UBXN2A: variants seen among roughly 807,000 people sequenced by gnomAD.
UBXN2A encodes UBX domain-containing protein 2A.
UBXN2A carries 28 observed loss-of-function variants against 28.4 expected under a neutral mutation model. That is an observed-to-expected ratio of 0.99 (90% CI 0.73 to 1.35). The LOEUF is 1.35. Among genes scored for constraint, UBXN2A ranks in the 40% most tolerant of loss-of-function variants. The probability of loss-of-function intolerance (pLI) is 0.00; values close to 1 mark genes in which losing one functional copy is unlikely to be tolerated. For synonymous variants in UBXN2A, 97 were observed against 103.6 expected (o/e 0.94, Z 0.39); for missense variants, 253 against 297.9 (o/e 0.85, Z 1.11).
chr2:23,935,046 G>T (rs1434824630), intron 1 of UBXN2A, among the ~76,000 whole-genome samples: 1 of 152,124 alleles, frequency 6.6e-6, no homozygotes, highest in Non-Finnish European at 1.5e-5. Flanking sequence ...CTGCACTCCA[G>T]CCCAAGCAAC....
chr2:23,971,438 C>CTTT, intron 3 of UBXN2A, 24 bp downstream of exon 3: 2 of 1,472,810 alleles, frequency 1.4e-6, no homozygotes, highest in Non-Finnish European at 1.8e-6. Flanking sequence ...TATTACTTTT[C>CTTT]TTTTTCTTTC....
intron 2 of UBXN2A, among the ~76,000 whole-genome samples, chr2:23,967,085 G>A (rs575526860): frequency 1.3e-5 from 2 of 151,804 alleles, no homozygotes; most frequent in African/African-American, 2.4e-5. Context: ...TATTTCCTAC[G>A]ATACATCTCT....
intron 6 of UBXN2A, among the ~76,000 whole-genome samples, chr2:23,997,667 C>T (rs1708591001): frequency 6.6e-6 from 1 of 151,636 alleles, no homozygotes; most frequent in South Asian, 2.1e-4. Flanking sequence ...AGGATGGTCT[C>T]AGTCTCTTGA....
rs191831818 is a variant in UBXN2A at position 23,961,883 on chromosome 2, C to T, written c.41+3528C>T. Among the ~76,000 whole-genome samples the T allele has an allele frequency of 2.0e-5, 3 of 147,852 alleles. No homozygotes were observed. In the Admixed American group the frequency reaches 2.0e-4, roughly 10 times the overall value. On this transcript the variant is annotated intron_variant, in intron 2 of 6. Transcript: ENST00000309033. Reference sequence around the variant, plus strand: ...TTTTTGAGACAGAGTCTTGCTCTGTCACCCAGGCTGGAGTGCAGTGGCGTG... The same window carrying T: ...TTTTTGAGACAGAGTCTTGCTCTGTTACCCAGGCTGGAGTGCAGTGGCGTG...
intron 2 of UBXN2A, among the ~76,000 whole-genome samples, chr2:23,962,605 C>CTTTTT (rs1160440950): frequency 5.4e-5 from 7 of 130,674 alleles, no homozygotes; most frequent in South Asian, 2.5e-4. Context: ...TTTTTTTATT[C>CTTTTT]TTTTTTTTTT....
chr2:23,927,965 C>G (rs1705152971), intron 1 of UBXN2A, among the ~76,000 whole-genome samples: 1 of 151,990 alleles, frequency 6.6e-6, no homozygotes, highest in Non-Finnish European at 1.5e-5. Context: ...CACCTGAGGT[C>G]AAGAGTTCTA....
At chr2:23,960,019 G>A (rs1394459695) in intron 2 of UBXN2A, among the ~76,000 whole-genome samples, 8 of 152,220 alleles carry the variant, frequency 5.3e-5, no homozygotes, top group East Asian at 1.9e-4. Flanking sequence ...TTGGAAGGCC[G>A]AGGCGGGTGG....
At position 24,002,096 on chromosome 2, in the gene UBXN2A, G is replaced by C. The variant is rs1228847145; in HGVS notation, c.*2229G>C. ...GTTTGAGACCAGCCTGGGCAACAAG[G>C]CAAAACTCTATCTATAAAAATTACA... On this transcript the variant is annotated 3_prime_UTR_variant, in exon 7 of 7. Transcript: ENST00000309033. 1 of 152,052 alleles carries C rather than the reference G, an allele frequency of 6.6e-6. No homozygotes were observed. The highest frequency in any genetic ancestry group is 2.4e-5 in the African/African-American group (1 of 41,372). The allele number at this position is 152,052 out of a possible 1,614,324, so 9.4% of individuals were successfully genotyped here. A position where few individuals can be genotyped will look rare whatever the true frequency, so the allele number is the denominator to read the frequency against.
At chr2:23,971,234 A>G in intron 2 of UBXN2A, 42 bp from the exon 3 acceptor site, 1 of 1,476,436 alleles carries the variant, frequency 6.8e-7, no homozygotes. Flanking sequence ...ATTTTTAGAG[A>G]CCTAATAGTT....
At chr2:23,942,720 A>ATGCAGGT (rs1573531184) in intron 1 of UBXN2A, among the ~76,000 whole-genome samples, 1 of 151,756 alleles carries the variant, frequency 6.6e-6, no homozygotes, top group East Asian at 1.9e-4. Flanking sequence ...TGCCCGGCTG[A>ATGCAGGT]TGCAGGGCCT....
At chr2:23,951,437 T>TATATATAC in intron 1 of UBXN2A, among the ~76,000 whole-genome samples, 1 of 44,884 alleles carries the variant, frequency 2.2e-5, no homozygotes, top group South Asian at 8.0e-4. Context: ...TATATATATA[T>TATATATAC]ATATATATAT....
chr2:23,984,737 G>T lies in UBXN2A; in HGVS notation c.490G>T (p.Ala164Ser), dbSNP rs1319014383. The change falls in exon 6 of 7, where the codon GCT becomes TCT. Residue 164 changes from alanine to serine, a missense_variant. By Grantham distance (99) the Ala-to-Ser change is moderately conservative. Coordinates refer to ENST00000309033, the MANE Select transcript of UBXN2A (RefSeq NM_181713.4). ...IEVENKNNLS[A>S]VPLNNLEPIT... ...AGTTGAAAATAAAAATAATTTGTCT[G>T]CTGTTCCACTGAACAACTTGGAACC... 6.4e-7 allele frequency: 1 copy of T among 1,565,322 alleles called. No individual in the cohort carries two copies. Among genetic ancestry groups the T allele is most frequent in the Non-Finnish European group, 8.6e-7 (1 of 1,164,416 alleles).
chr2:23,988,743 C>G (rs1452802871), intron 6 of UBXN2A, among the ~76,000 whole-genome samples: 4 of 151,742 alleles, frequency 2.6e-5, no homozygotes, highest in African/African-American at 9.7e-5. Context: ...CACAAGACCT[C>G]AGATTGATTG....
chr2:23,969,802 A>T (rs912192842), intron 2 of UBXN2A, among the ~76,000 whole-genome samples: 1 of 152,220 alleles, frequency 6.6e-6, no homozygotes, highest in Admixed American at 6.5e-5. Flanking sequence ...CCTGGGTGAC[A>T]GAATGAGACT....
intron 1 of UBXN2A, among the ~76,000 whole-genome samples, chr2:23,927,889 C>CT (rs1705144565): frequency 6.6e-6 from 1 of 152,148 alleles, no homozygotes; most frequent in Non-Finnish European, 1.5e-5. Context: ...AAAAGCTCTG[C>CT]TGTAGGCCGG....
intron 2 of UBXN2A, among the ~76,000 whole-genome samples, chr2:23,962,227 C>T (rs17046015): frequency 0.03 from 4,602 of 152,238 alleles, 83 homozygotes; most frequent in South Asian, 0.045. Flanking sequence ...GCTATCTAAG[C>T]GTCCACAGAT....
chr2:23,963,653 G>A (rs1044948383), intron 2 of UBXN2A, among the ~76,000 whole-genome samples: 1 of 152,116 alleles, frequency 6.6e-6, no homozygotes, highest in Non-Finnish European at 1.5e-5. Flanking sequence ...AGCTAGTCCT[G>A]GTGAGGATAT....
intron 1 of UBXN2A, among the ~76,000 whole-genome samples, chr2:23,941,810 C>T (rs937398769): frequency 2.6e-5 from 4 of 152,136 alleles, no homozygotes; most frequent in Non-Finnish European, 4.4e-5. Flanking sequence ...CGATGGCTCA[C>T]GCCTGTAATC....
chr2:23,996,728 G>T (rs1047273323), intron 6 of UBXN2A: 1 of 150,312 alleles, frequency 6.7e-6, no homozygotes, highest in African/African-American at 2.5e-5. Flanking sequence ...ACCCGCCTCA[G>T]CCTCCCAAAG....
Sources: gnomAD v4.1 joint callset for allele counts (sites outside exome capture counted in the v4.1 genomes callset) on GRCh38, gnomAD v4.1.1 for gene constraint, MANE v1.5 for transcripts, NCBI Gene and HGNC (gene_info 2026-07-23, HGNC 2026-07-21) for gene names.